The following NR2F2 variants were observed in gnomAD, a reference collection of about 807,000 sequenced individuals.
NR2F2 encodes nuclear receptor subfamily 2 group F member 2.
NR2F2 carries 2 observed loss-of-function variants against 34.8 expected under a neutral mutation model. That is an observed-to-expected ratio of 0.06 (90% CI 0.02 to 0.18). The LOEUF (loss-of-function observed/expected upper bound fraction) is 0.18. NR2F2 is among the 10% of genes least tolerant of loss of function. NR2F2 has a pLI of 1.00. For missense variants in NR2F2, 300 were observed against 580.1 expected (o/e 0.52, Z 4.96); for synonymous variants, 274 against 251.8 (o/e 1.09, Z -0.84).
chr15:96,335,493 TCCAGGCTGAGTTCAGCATAGC>T (rs1181415481), intron 2 of NR2F2, among the ~76,000 whole-genome samples: 42 of 152,222 alleles, frequency 2.8e-4, no homozygotes, highest in Admixed American at 2.7e-3. Context: ...TTTGGCTGCC[TCCAGGCTGAGTTCAGCATAGC>T]CCAGGTGGAT....
Position 96,331,409 on chromosome 15 carries a change from G to C in NR2F2, c.-697G>C, listed in dbSNP as rs1899137304. The stretch of plus-strand genomic sequence containing the variant: ...TCCGCGGGCCGCCGGCCTCCGCCCC[G>C]GCCTGCCTGGCTCCCTGGGCGCGCC... On this transcript the variant is annotated 5_prime_UTR_variant, in exon 1 of 3. Transcript: ENST00000394166. 8.1e-7 allele frequency: 1 copy of C among 1,229,952 alleles called. No homozygotes were observed. The highest frequency in any genetic ancestry group is 1.0e-6 in the Non-Finnish European group (1 of 987,088). The allele number at this position is 1,229,952 out of a possible 1,614,324, so 76.2% of individuals were successfully genotyped here.
intron 2 of NR2F2, 147 bp downstream of exon 2, chr15:96,334,750 C>T: frequency 2.5e-6 from 2 of 794,932 alleles, no homozygotes; most frequent in Middle Eastern, 2.5e-4. Context: ...CTTTTTATAG[C>T]TGCTGGGCAC....
chr15:96,332,575 CGTCCTGGGTCCCGGG>C (rs1256564231), intron 1 of NR2F2, 28 bp downstream of exon 1: 2 of 1,598,774 alleles, frequency 1.3e-6, no homozygotes, highest in Non-Finnish European at 1.7e-6. Context: ...CTCCTTCCCT[CGTCCTGGGTCCCGGG>C]GTCCTGGGTA....
rs1305876893 is a variant in NR2F2 at position 96,331,761 on chromosome 15, T to C, written c.-345T>C. The C allele has an allele frequency of 3.5e-6, 4 of 1,144,106 alleles. No individual in the cohort carries two copies. Among genetic ancestry groups the C allele is most frequent in the Non-Finnish European group, 3.3e-6 (3 of 917,000 alleles). The allele number at this position is 1,144,106 out of a possible 1,614,324, so 70.9% of individuals were successfully genotyped here. A position where few individuals can be genotyped will look rare whatever the true frequency, so the allele number is the denominator to read the frequency against. On this transcript the variant is annotated 5_prime_UTR_variant, in exon 1 of 3. Coordinates refer to ENST00000394166, the MANE Select transcript of NR2F2 (RefSeq NM_021005.4). The stretch of plus-strand genomic sequence containing the variant: ...ACTTCAGCTCTCCCTCCCCTCCCTC[T>C]TTCTCCACGTTCTGCTCCCACTCGC...
upstream of NR2F2, chr15:96,326,133 C>A (rs993549385): frequency 1.9e-5 from 12 of 635,892 alleles, no homozygotes; most frequent in African/African-American, 1.3e-4. This position sits in a 1 kb window ranked among gnomAD's most constrained non-coding sequence, Gnocchi z 5.5. Context: ...CTCCCTTCAC[C>A]TTTCCTCTTT....
Position 96,331,074 on chromosome 15 carries a change from C to CCGGCGGCGG in NR2F2, c.-1030_-1022dup. On this transcript the variant is annotated 5_prime_UTR_variant, in exon 1 of 3. Coordinates refer to ENST00000394166, the MANE Select transcript of NR2F2 (RefSeq NM_021005.4). ...GGCGGCAGCAGCAGCAGCAGCGGCTCCGGCGGCGGCAGCAGCGGCAGCAGC... is the reference window on the plus strand; with the variant it reads ...GGCGGCAGCAGCAGCAGCAGCGGCTCCGGCGGCGGCGGCGGCGGCAGCAGCGGCAGCAGC... 8.1e-7 allele frequency: 1 copy of CCGGCGGCGG among 1,235,860 alleles called. No individual in the cohort carries two copies. Among genetic ancestry groups the CCGGCGGCGG allele is most frequent in the Non-Finnish European group, 1.0e-6 (1 of 992,688 alleles). 76.6% of individuals were successfully genotyped at this position (1,235,860 alleles called of 1,614,324 possible). A position where few individuals can be genotyped will look rare whatever the true frequency, so the allele number is the denominator to read the frequency against.
chr15:96,326,447 A>G, upstream of NR2F2: 3 of 1,093,796 alleles, frequency 2.7e-6, no homozygotes, highest in South Asian at 3.9e-5. This position sits in a 1 kb window ranked among gnomAD's most constrained non-coding sequence, Gnocchi z 5.5. Context: ...GGCTTTTCAA[A>G]ATATCGGTTT....
chr15:96,333,569 T>TGCTTG, intron 1 of NR2F2: 1 of 1,011,894 alleles, frequency 9.9e-7, no homozygotes, highest in Non-Finnish European at 1.2e-6. Context: ...ACTGGGGGGG[T>TGCTTG]TCCCCGCCGG....
At position 96,337,531 on chromosome 15, in the gene NR2F2, G is replaced by C; in HGVS notation, c.1154G>C (p.Arg385Pro). Residue 385 changes from arginine to proline, a missense_variant, in exon 3 of 3, where the codon CGT (arginine) becomes CCT (proline). Physicochemically the swap from Arg to Pro is moderately radical, Grantham distance 103 (BLOSUM62 -2). Transcript: ENST00000394166. ...GTCATAGAGCAATTGTTTTTCGTCC[G>C]TTTGGTAGGTAAAACCCCCATCGAA... ...SSVIEQLFFV[R>P]LVGKTPIETL... The C allele has an allele frequency of 6.2e-7, 1 of 1,613,988 alleles. No individual in the cohort carries two copies. Among genetic ancestry groups the C allele is most frequent in the Non-Finnish European group, 8.5e-7 (1 of 1,180,014 alleles).
In NR2F2 at chr15:96,338,881, CG is replaced by C. The variant is rs1299350415; in HGVS notation, c.*1262del. ...CCCTGTGAGCTCTCGCTTAGCTGGC[CG>C]GGCGGGGGGTGGTGGGGGGGGGCAT... On this transcript the variant is annotated 3_prime_UTR_variant, in exon 3 of 3. Transcript: ENST00000394166. The C allele has an allele frequency of 9.0e-5, 2 of 22,214 alleles. No homozygotes were observed. Among genetic ancestry groups the C allele is most frequent in the Non-Finnish European group, 1.7e-4 (2 of 11,548 alleles). The allele number at this position is 22,214 out of a possible 1,614,324, so 1.4% of individuals were successfully genotyped here.
At position 96,331,819 on chromosome 15, in the gene NR2F2, A is replaced by C. The variant is rs79964084; in HGVS notation, c.-287A>C. ...TCCCCTTCCCCTCCCCTCCCGGCGG[A>C]AAGCCCCCCGAAACCAACAAAGCTG... is the stretch of plus-strand genomic sequence containing the variant. On this transcript the variant is annotated 5_prime_UTR_variant, in exon 1 of 3. Coordinates refer to ENST00000394166, the MANE Select transcript of NR2F2 (RefSeq NM_021005.4). 2.0e-3 allele frequency: 2,403 copies of C among 1,197,810 alleles called. 38 individuals are homozygous for C. In the African/African-American group the frequency reaches 0.033, roughly 17 times the overall value. The allele number at this position is 1,197,810 out of a possible 1,614,324, so 74.2% of individuals were successfully genotyped here. A position where few individuals can be genotyped will look rare whatever the true frequency, so the allele number is the denominator to read the frequency against.
chr15:96,329,714 A>T (rs1413434178), upstream of NR2F2, among the ~76,000 whole-genome samples: 8 of 152,154 alleles, frequency 5.3e-5, no homozygotes, highest in African/African-American at 1.9e-4. Flanking sequence ...CCTGTCCATC[A>T]GTGGGCAGAG....
chr15:96,331,010 G>T lies in NR2F2; in HGVS notation c.-1096G>T, dbSNP rs1008056464. 1 of 1,223,794 alleles carries T rather than the reference G, an allele frequency of 8.2e-7. No homozygotes were observed. The highest frequency in any genetic ancestry group is 1.6e-5 in the African/African-American group (1 of 64,080). 75.8% of individuals were successfully genotyped at this position (1,223,794 alleles called of 1,614,324 possible). A position where few individuals can be genotyped will look rare whatever the true frequency, so the allele number is the denominator to read the frequency against. On this transcript the variant is annotated 5_prime_UTR_variant, in exon 1 of 3. Transcript: ENST00000394166. ...TCTCTTTTATCATTTCTCCCCCGCC[G>T]CCGGCGAGTTGACTCTTTCCCTATG...
upstream of NR2F2, among the ~76,000 whole-genome samples, chr15:96,328,937 T>C (rs1382486561): frequency 6.6e-6 from 1 of 152,206 alleles, no homozygotes; most frequent in Non-Finnish European, 1.5e-5. Flanking sequence ...AGTCCTTACC[T>C]CATATTCTGC....
Position 96,330,938 on chromosome 15 carries a change from T to C in NR2F2, c.-1168T>C. ...TTTCTCTCCGTCTTTTTCTCCCCCCTCTGCGCACGAAGGATGTGCTTCTAG... is the reference window on the plus strand; with the variant it reads ...TTTCTCTCCGTCTTTTTCTCCCCCCCCTGCGCACGAAGGATGTGCTTCTAG... On this transcript the variant is annotated 5_prime_UTR_variant, in exon 1 of 3. Coordinates refer to ENST00000394166, the MANE Select transcript of NR2F2 (RefSeq NM_021005.4). 8.8e-7 allele frequency: 1 copy of C among 1,137,962 alleles called. No homozygotes were observed. Among genetic ancestry groups the C allele is most frequent in the African/African-American group, 1.6e-5 (1 of 60,864 alleles). The allele number at this position is 1,137,962 out of a possible 1,614,324, so 70.5% of individuals were successfully genotyped here.
At chr15:96,335,145 G>T (rs1899286036) in intron 2 of NR2F2, among the ~76,000 whole-genome samples, 1 of 152,254 alleles carries the variant, frequency 6.6e-6, no homozygotes, top group African/African-American at 2.4e-5. Flanking sequence ...AATGCAGACT[G>T]CCAGGAGAGG....
chr15:96,330,737 G>T lies in NR2F2; in HGVS notation c.-1369G>T, dbSNP rs1407115194. On this transcript the variant is annotated 5_prime_UTR_variant, in exon 1 of 3. Transcript: ENST00000394166. ...CTGCCAGCCCCGGCGCCTATAAATC[G>T]CATTCCCTCCCGCGCCCCCCTTTTT... 1.9e-6 allele frequency: 1 copy of T among 517,670 alleles called. No homozygotes were observed. The highest frequency in any genetic ancestry group is 2.6e-6 in the Non-Finnish European group (1 of 390,666). The allele number at this position is 517,670 out of a possible 1,614,324, so 32.1% of individuals were successfully genotyped here. A position where few individuals can be genotyped will look rare whatever the true frequency, so the allele number is the denominator to read the frequency against.
Position 96,334,586 on chromosome 15 carries a change from T to C in NR2F2, c.953T>C (p.Ile318Thr). The part of the protein sequence containing the change: ...DSAEYSCLKA[I>T]VLFTSDACGL... ...GCCGAGTACAGCTGCCTCAAGGCCA[T>C]AGTCCTGTTCACCTCAGGTAGGAAG... The change falls in exon 2 of 3, where the codon ATA (isoleucine) becomes ACA (threonine). Residue 318 changes from isoleucine (I) to threonine (T), a missense_variant. This residue lies in a region of NR2F2 where 164 missense variants were observed against 365.3 expected (regional missense o/e 0.45). Coordinates refer to ENST00000394166, the MANE Select transcript of NR2F2 (RefSeq NM_021005.4). 1 of 1,607,006 alleles carries C rather than the reference T, an allele frequency of 6.2e-7. No individual in the cohort carries two copies. The highest frequency in any genetic ancestry group is 2.2e-5 in the East Asian group (1 of 44,702).
chr15:96,332,052 C>T lies in NR2F2; in HGVS notation c.-54C>T, dbSNP rs1899162530. On this transcript the variant is annotated 5_prime_UTR_variant, in exon 1 of 3. Transcript: ENST00000394166. Reference sequence around the variant, plus strand: ...CGAGACCCGGGGAGCCGCCGCCGCCCCGCCGCCGCCCGCAGCCAGGGGAGC... The same window carrying T: ...CGAGACCCGGGGAGCCGCCGCCGCCTCGCCGCCGCCCGCAGCCAGGGGAGC... 7.9e-7 allele frequency: 1 copy of T among 1,259,690 alleles called. No individual in the cohort carries two copies. The highest frequency in any genetic ancestry group is 1.0e-6 in the Non-Finnish European group (1 of 1,001,654). The allele number at this position is 1,259,690 out of a possible 1,614,324, so 78.0% of individuals were successfully genotyped here. A position where few individuals can be genotyped will look rare whatever the true frequency, so the allele number is the denominator to read the frequency against.
Sources: allele counts gnomAD v4.1 joint callset (sites outside exome capture counted in the v4.1 genomes callset), GRCh38; gene constraint gnomAD v4.1.1; regional missense constraint gnomAD v4.1.1; non-coding constraint Gnocchi (gnomAD v3.1); transcripts MANE v1.5; gene names NCBI Gene and HGNC (gene_info 2026-07-23, HGNC 2026-07-21).